The following MIB1 variants were observed in gnomAD, a reference collection of about 807,000 sequenced individuals.
The protein encoded by MIB1 is E3 ubiquitin-protein ligase MIB1.
Under a neutral mutation model 124.5 loss-of-function variants are expected in MIB1, and 278 were observed. The ratio of observed to expected loss-of-function variants is 2.23; its 90% CI spans 2.02 to 2.47. The LOEUF is 2.47. MIB1 is among the 30% of genes most tolerant of loss of function. MIB1 has a pLI of 0.00. For synonymous variants in MIB1, 446 were observed against 429.4 expected, an observed-to-expected ratio of 1.04 and a Z score of -0.48; for missense variants, 957 against 1,254.4, an observed-to-expected ratio of 0.76 and a Z score of 3.58.
chr18:21,857,369 G>A, intron 19 of MIB1, 126 bp downstream of exon 19: 2 of 649,486 alleles, frequency 3.1e-6, no homozygotes, highest in Non-Finnish European at 5.6e-6. Context: ...ATCCACAGTG[G>A]AACAGGTATT....
chr18:21,745,964 C>A (rs895004916), intron 1 of MIB1, among the ~76,000 whole-genome samples: 1 of 152,076 alleles, frequency 6.6e-6, no homozygotes, highest in African/African-American at 2.4e-5. Flanking sequence ...CCTCAGCCTC[C>A]CAAAGTGCTG....
intron 4 of MIB1, among the ~76,000 whole-genome samples, chr18:21,777,799 C>T (rs1350026591): frequency 1.3e-5 from 2 of 152,126 alleles, no homozygotes; most frequent in East Asian, 1.9e-4. Flanking sequence ...CTCAAGTGAT[C>T]CGCCCATCTT....
At chr18:21,830,149 C>T (rs2041965286) in intron 12 of MIB1, among the ~76,000 whole-genome samples, 1 of 132,576 alleles carries the variant, frequency 7.5e-6, no homozygotes, top group South Asian at 2.5e-4. Flanking sequence ...CCCAGCACTA[C>T]AGCAGTTTCA....
chr18:21,712,931 A>C (rs8096665), intron 1 of MIB1, among the ~76,000 whole-genome samples: 45,799 of 151,832 alleles, frequency 0.3, 8,117 homozygotes, highest in African/African-American at 0.48. Flanking sequence ...CCACCAATGT[A>C]TCTATTATAG....
intron 6 of MIB1, among the ~76,000 whole-genome samples, chr18:21,781,716 G>T (rs954984107): frequency 2.0e-5 from 3 of 151,838 alleles, no homozygotes; most frequent in African/African-American, 7.3e-5. Flanking sequence ...CCTGGCCAGG[G>T]TTGATACTTC....
At chr18:21,762,573 A>G (rs8083442) in intron 1 of MIB1, among the ~76,000 whole-genome samples, 2,442 of 152,272 alleles carry the variant, frequency 0.016, 71 homozygotes, top group African/African-American at 0.055. Context: ...TGGTTTTCCA[A>G]GTTTTCTACA....
intron 11 of MIB1, among the ~76,000 whole-genome samples, chr18:21,818,075 T>G (rs1354562358): frequency 2.6e-5 from 4 of 152,222 alleles, no homozygotes; most frequent in African/African-American, 9.6e-5. Flanking sequence ...ATTGCTAAAT[T>G]TTAATTTACA....
Position 21,791,377 on chromosome 18 carries a change from G to GT in MIB1, c.912_913insT (p.Thr305TyrfsTer9). The stretch of plus-strand genomic sequence containing the variant: ...AGGTTTAGCTTTGCTCTTGTAGGTG[G>GT]ACCTTCAATCCTGCTGTTCTCACTA... On this transcript the variant is annotated frameshift_variant, in exon 7 of 21. Transcript: ENST00000261537. LOFTEE classifies it high-confidence loss of function. The GT allele has an allele frequency of 6.2e-7, 1 of 1,604,364 alleles. No homozygotes were observed. Among genetic ancestry groups the GT allele is most frequent in the Non-Finnish European group, 8.5e-7 (1 of 1,175,004 alleles).
chr18:21,736,941 C>T (rs1026424421), upstream of MIB1, among the ~76,000 whole-genome samples: 3 of 152,238 alleles, frequency 2.0e-5, no homozygotes, highest in Admixed American at 6.5e-5. Flanking sequence ...GGAAAACACT[C>T]TTCAGGATAT....
intron 1 of MIB1, among the ~76,000 whole-genome samples, chr18:21,708,588 C>T (rs1230067553): frequency 1.3e-5 from 2 of 152,058 alleles, no homozygotes; most frequent in African/African-American, 2.4e-5. Context: ...CCCGGGAAGG[C>T]GGAGATTCCA....
At chr18:21,815,920 T>C in intron 11 of MIB1, 107 bp downstream of exon 11, 1 of 981,892 alleles carries the variant, frequency 1.0e-6, no homozygotes, top group Admixed American at 2.5e-5. Flanking sequence ...TCATATGTCA[T>C]AGTAAATGAT....
chr18:21,845,809 G>A (rs1952284862), intron 15 of MIB1, among the ~76,000 whole-genome samples: 1 of 151,968 alleles, frequency 6.6e-6, no homozygotes, highest in Non-Finnish European at 1.5e-5. Flanking sequence ...ATTTTTAGTA[G>A]AGACAAGGTT....
intron 7 of MIB1, among the ~76,000 whole-genome samples, chr18:21,795,347 T>TATATAAATATATAATATATATA: frequency 7.0e-6 from 1 of 143,416 alleles, no homozygotes; most frequent in Non-Finnish European, 1.5e-5. Flanking sequence ...ATATATATAA[T>TATATAAATATATAATATATATA]ATATAAATAA....
chr18:21,769,736 G>A (rs2041204301), intron 3 of MIB1, among the ~76,000 whole-genome samples: 1 of 152,204 alleles, frequency 6.6e-6, no homozygotes, highest in Admixed American at 6.5e-5. Flanking sequence ...GGGGCTGGAA[G>A]TCATCTTTCC....
chr18:21,715,568 A>G (rs2040685896), intron 1 of MIB1, among the ~76,000 whole-genome samples: 1 of 152,134 alleles, frequency 6.6e-6, no homozygotes, highest in Non-Finnish European at 1.5e-5. Context: ...TAGGCTAATC[A>G]AGGAGGCACC....
intron 1 of MIB1, among the ~76,000 whole-genome samples, chr18:21,752,426 C>T (rs1227485172): frequency 1.3e-5 from 2 of 151,998 alleles, no homozygotes; most frequent in South Asian, 2.1e-4. Context: ...TTTCAGTTAG[C>T]AGTTAGAATT....
Position 21,835,783 on chromosome 18 carries a change from A to AT in MIB1, c.1830-2582_1830-2581insT, listed in dbSNP as rs1568220554. 4.9e-3 allele frequency among the ~76,000 whole-genome samples: 573 copies of AT among 116,896 alleles called. 9 individuals carry two copies. The highest frequency in any genetic ancestry group is 0.017 in the African/African-American group (507 of 29,160). 76.7% of individuals were successfully genotyped at this position (116,896 alleles called of 152,430 possible). On this transcript the variant is annotated intron_variant, in intron 12 of 20. Transcript: ENST00000261537. The stretch of plus-strand genomic sequence containing the variant: ...AGACTCCATCTCAAGAAAAAAAAAA[A>AT]AATATATATATATATATCCACACAC...
intron 12 of MIB1, among the ~76,000 whole-genome samples, chr18:21,820,442 C>G (rs1324529319): frequency 6.6e-6 from 1 of 152,080 alleles, no homozygotes; most frequent in African/African-American, 2.4e-5. Flanking sequence ...TATCATGTTT[C>G]CTTTAGCTTC....
At chr18:21,763,931 T>A (rs1036500700) in intron 1 of MIB1, among the ~76,000 whole-genome samples, 9 of 152,242 alleles carry the variant, frequency 5.9e-5, no homozygotes, top group Non-Finnish European at 1.2e-4. Flanking sequence ...TTTTTTATTT[T>A]TTTTATTTTT....
Sources: allele counts gnomAD v4.1 joint callset (sites outside exome capture counted in the v4.1 genomes callset), GRCh38; gene constraint gnomAD v4.1.1; transcripts MANE v1.5; gene names NCBI Gene and HGNC (gene_info 2026-07-23, HGNC 2026-07-21).